The following GPC5 variants were observed in gnomAD, a reference collection of about 807,000 sequenced individuals.
The protein encoded by GPC5 is glypican-5.
GPC5 carries 47 observed loss-of-function variants against 53.9 expected under a neutral mutation model. The observed-to-expected ratio is 0.87, with a 90% CI of 0.69 to 1.11. GPC5 has a LOEUF of 1.11. Ranked by LOEUF, GPC5 falls within the 50% of genes most tolerant of loss-of-function variation. GPC5 has a pLI of 0.00. For synonymous variants in GPC5, 286 were observed against 263.3 expected (o/e 1.09, Z -0.84); for missense variants, 748 against 713.1 (o/e 1.05, Z -0.56).
intron 7 of GPC5, among the ~76,000 whole-genome samples, chr13:92,817,968 C>CGTGGGTA (rs1877533713): frequency 6.6e-6 from 1 of 150,794 alleles, no homozygotes; most frequent in Non-Finnish European, 1.5e-5. Context: ...AAACTTTCCA[C>CGTGGGTA]CTGGGTAATG....
chr13:92,500,522 C>A (rs1309922303), intron 7 of GPC5, among the ~76,000 whole-genome samples: 1 of 152,202 alleles, frequency 6.6e-6, no homozygotes, highest in Non-Finnish European at 1.5e-5. Flanking sequence ...ATGTTAATCA[C>A]CCTTGTTATA....
chr13:91,712,035 G>T (rs1423379753), intron 3 of GPC5, among the ~76,000 whole-genome samples: 1 of 152,164 alleles, frequency 6.6e-6, no homozygotes, highest in Admixed American at 6.6e-5. Context: ...GATTGAATTA[G>T]ATTTTTTGCA....
chr13:92,300,880 C>G (rs2043070815), intron 7 of GPC5, among the ~76,000 whole-genome samples: 1 of 152,152 alleles, frequency 6.6e-6, no homozygotes, highest in African/African-American at 2.4e-5. Context: ...ATAAGATTAG[C>G]TAATTGAGGC....
intron 7 of GPC5, among the ~76,000 whole-genome samples, chr13:92,613,340 ATT>A (rs569443327): frequency 1.6e-4 from 17 of 104,594 alleles, no homozygotes; most frequent in East Asian, 1.2e-3. Flanking sequence ...AATATAATAT[ATT>A]TATATATAAA....
At chr13:91,972,893 C>T (rs2040258136) in intron 6 of GPC5, among the ~76,000 whole-genome samples, 1 of 152,122 alleles carries the variant, frequency 6.6e-6, no homozygotes, top group Non-Finnish European at 1.5e-5. Flanking sequence ...TCTGGCTGCC[C>T]TTAACATTTT....
intron 1 of GPC5, among the ~76,000 whole-genome samples, chr13:91,411,333 A>G (rs1194447228): frequency 6.6e-6 from 1 of 152,142 alleles, no homozygotes; most frequent in Non-Finnish European, 1.5e-5. Context: ...TGTAGTGCTG[A>G]GGGTCTTGGC....
intron 2 of GPC5, among the ~76,000 whole-genome samples, chr13:91,686,813 C>G (rs1252373541): frequency 6.6e-6 from 1 of 151,944 alleles, no homozygotes; most frequent in Non-Finnish European, 1.5e-5. Context: ...AGGCACAGAG[C>G]AACTCTAAAG....
At chr13:92,003,442 C>A (rs1304578548) in intron 6 of GPC5, among the ~76,000 whole-genome samples, 2 of 37,800 alleles carry the variant, frequency 5.3e-5, no homozygotes, top group Non-Finnish European at 1.0e-4. Flanking sequence ...AATTTACCAT[C>A]CAATCGAGAT....
chr13:92,325,182 C>T (rs1388406919), intron 7 of GPC5, among the ~76,000 whole-genome samples: 2 of 151,416 alleles, frequency 1.3e-5, no homozygotes, highest in Admixed American at 6.6e-5. Context: ...TATACATATT[C>T]TCAGATTAGT....
At chr13:91,687,231 C>T (rs571546414) in intron 2 of GPC5, among the ~76,000 whole-genome samples, 1 of 151,994 alleles carries the variant, frequency 6.6e-6, no homozygotes, top group South Asian at 2.1e-4. Context: ...CAAAAAGCCA[C>T]CTGCATATGA....
At chr13:92,137,416 G>A (rs1462293743) in intron 6 of GPC5, among the ~76,000 whole-genome samples, 1 of 152,144 alleles carries the variant, frequency 6.6e-6, no homozygotes, top group African/African-American at 2.4e-5. Flanking sequence ...GCAGAGTGGG[G>A]AGCCAGTTAA....
At position 92,146,993 on chromosome 13, in the gene GPC5, G is replaced by A. The variant is rs930877839; in HGVS notation, c.1561+2004G>A. Among the ~76,000 whole-genome samples the A allele has an allele frequency of 2.0e-5, 3 of 152,022 alleles. No individual in the cohort carries two copies. In the South Asian group the frequency reaches 6.2e-4, roughly 31 times the overall value. ...GTGGAATAACTCTTAGGGCATAATG[G>A]ATATAAATTGTATATTGATAAATGA... On this transcript the variant is annotated intron_variant, in intron 7 of 7. Coordinates refer to ENST00000377067, the MANE Select transcript of GPC5 (RefSeq NM_004466.6).
intron 7 of GPC5, among the ~76,000 whole-genome samples, chr13:92,775,741 T>C (rs1235387211): frequency 6.6e-6 from 1 of 152,198 alleles, no homozygotes; most frequent in East Asian, 1.9e-4. Context: ...AGCTCATATC[T>C]ATAAGAGTTC....
At position 92,405,957 on chromosome 13, in the gene GPC5, A is replaced by G. The variant is rs534147390; in HGVS notation, c.1561+260968A>G. ...AGAGAGAACAGATGGAATTAAGTGT[A>G]TACACACAAAATAGATTGATAGAGA... On this transcript the variant is annotated intron_variant, in intron 7 of 7. Transcript: ENST00000377067. Among the ~76,000 whole-genome samples, 101 of 152,342 alleles carry G rather than the reference A, an allele frequency of 6.6e-4. 1 individual carries two copies. The highest frequency in any genetic ancestry group is 2.2e-3 in the African/African-American group (91 of 41,592).
chr13:92,152,324 A>G (rs1305875891), intron 7 of GPC5, among the ~76,000 whole-genome samples: 1 of 152,200 alleles, frequency 6.6e-6, no homozygotes, highest in East Asian at 1.9e-4. Context: ...TACCTTGTAC[A>G]AGTTCTGTGC....
rs529021387 is a variant in GPC5 at position 91,775,090 on chromosome 13, A to G, written c.1280+18670A>G. Among the ~76,000 whole-genome samples the G allele has an allele frequency of 9.2e-5, 14 of 152,316 alleles. No individual in the cohort carries two copies. In the South Asian group the frequency reaches 2.7e-3, roughly 29 times the overall value. On this transcript the variant is annotated intron_variant, in intron 5 of 7. Coordinates refer to ENST00000377067, the MANE Select transcript of GPC5 (RefSeq NM_004466.6). ...AAAGGAGTTCTAGTTAAAGAACAGA[A>G]TGATATGAGGATGGGACAGAGTTTA...
rs1256025387 is a variant in GPC5 at position 91,627,310 on chromosome 13, G to A, written c.326-65877G>A. Among the ~76,000 whole-genome samples, 6 of 2,426 alleles carry A rather than the reference G, an allele frequency of 2.5e-3. 3 individuals carry two copies. The highest frequency in any genetic ancestry group is 0.017 in the African/African-American group (2 of 118). The allele number at this position is 2,426 out of a possible 152,430, so 1.6% of individuals were successfully genotyped here. A position where few individuals can be genotyped will look rare whatever the true frequency, so the allele number is the denominator to read the frequency against. On this transcript the variant is annotated intron_variant, in intron 2 of 7. Coordinates refer to ENST00000377067, the MANE Select transcript of GPC5 (RefSeq NM_004466.6). Reference sequence around the variant, plus strand: ...CTCCCAAAGTGCTGGGATTACAGGCGTGAGCCACCGCGCCCGGCCGAACTC... The same window carrying A: ...CTCCCAAAGTGCTGGGATTACAGGCATGAGCCACCGCGCCCGGCCGAACTC...
chr13:91,873,534 A>T (rs2039170613), intron 5 of GPC5, among the ~76,000 whole-genome samples: 1 of 152,066 alleles, frequency 6.6e-6, no homozygotes, highest in African/African-American at 2.4e-5. Context: ...TAAAAACGAG[A>T]GTCCCCCTGC....
At chr13:91,765,002 T>C (rs904940754) in intron 5 of GPC5, among the ~76,000 whole-genome samples, 9 of 152,218 alleles carry the variant, frequency 5.9e-5, no homozygotes, top group African/African-American at 1.7e-4. Context: ...TGCTGAGATC[T>C]TTTGGTGGGT....
Sources: allele counts gnomAD v4.1 joint callset (sites outside exome capture counted in the v4.1 genomes callset), GRCh38; gene constraint gnomAD v4.1.1; transcripts MANE v1.5; gene names NCBI Gene and HGNC (gene_info 2026-07-23, HGNC 2026-07-21).